CFAP61: variants seen among roughly 807,000 people sequenced by gnomAD.
CFAP61 encodes the protein cilia- and flagella-associated protein 61.
CFAP61 carries 107 observed loss-of-function variants against 135.6 expected under a neutral mutation model. The ratio of observed to expected loss-of-function variants is 0.79; its 90% confidence interval spans 0.67 to 0.93. CFAP61 has a LOEUF of 0.93. Among genes scored for constraint, CFAP61 ranks in the 40% least tolerant of loss-of-function variants. The pLI is 0.00. For synonymous variants in CFAP61, 575 were observed against 578.5 expected (o/e 0.99, Z 0.09); for missense variants, 1,507 against 1,556.2 (o/e 0.97, Z 0.53).
In CFAP61 at chr20:20,288,759, T is replaced by G. The variant is rs1569246864; in HGVS notation, c.2947T>G (p.Phe983Val). The G allele has an allele frequency of 6.2e-7, 1 of 1,614,160 alleles. No individual in the cohort carries two copies. Among genetic ancestry groups the G allele is most frequent in the Non-Finnish European group, 8.5e-7 (1 of 1,180,012 alleles). ...CAGAGCTGCTGGCTCCCTCACCAAA[T>G]TCTCCAATAGATACTACTCAAATGA... ...AIRAAGSLTK[F>V]SNRYYSNEWT... Residue 983 changes from phenylalanine to valine, a missense_variant, in exon 23 of 27, where the codon TTC becomes GTC. Transcript: ENST00000245957.
intron 10 of CFAP61, among the ~76,000 whole-genome samples, chr20:20,161,653 T>C (rs2053414375): frequency 2.6e-5 from 4 of 151,752 alleles, no homozygotes; most frequent in Admixed American, 2.6e-4. Flanking sequence ...TGATGTGGAG[T>C]GACTGGAACA....
chr20:20,323,808 T>A (rs2057640429), intron 25 of CFAP61, among the ~76,000 whole-genome samples: 1 of 152,220 alleles, frequency 6.6e-6, no homozygotes, highest in Non-Finnish European at 1.5e-5. Context: ...TTGGTGTGTG[T>A]CCTTTCATAT....
rs539745681 is a variant in CFAP61 at position 20,339,100 on chromosome 20, A to G, written c.3423-2731A>G. ...TTTTGTGGCATTGATGCCCACGTGC[A>G]CACAGCCCCTTAAAAAGCACGTTGG... On this transcript the variant is annotated intron_variant, in intron 25 of 26. Transcript: ENST00000245957. Among the ~76,000 whole-genome samples, 39 of 152,284 alleles carry G rather than the reference A, an allele frequency of 2.6e-4. No individual in the cohort carries two copies. In the South Asian group the frequency reaches 8.1e-3, roughly 32 times the overall value.
intron 25 of CFAP61, among the ~76,000 whole-genome samples, chr20:20,307,038 C>G (rs1450186023): frequency 6.6e-6 from 1 of 152,200 alleles, no homozygotes; most frequent in African/African-American, 2.4e-5. Flanking sequence ...GGTGAGCCCA[C>G]CACTGCCACC....
intron 20 of CFAP61, among the ~76,000 whole-genome samples, chr20:20,261,356 C>G (rs569748279): frequency 6.6e-6 from 1 of 152,326 alleles, no homozygotes; most frequent in African/African-American, 2.4e-5. Flanking sequence ...AAAGAACTTC[C>G]TCTGCCCCAA....
Position 20,288,647 on chromosome 20 carries a change from A to C in CFAP61, c.2835A>C (p.Glu945Asp), listed in dbSNP as rs1428151023. Reference protein sequence around the residue: ...FSFCEKNVDYETFKALNDACL... With the variant: ...FSFCEKNVDYDTFKALNDACL... ...TCTGTGAGAAGAATGTGGATTATGA[A>C]ACGTTTAAAGCCCTCAATGATGCAT... Residue 945 changes from glutamate (E) to aspartate (D), a missense_variant, in exon 23 of 27, where the codon GAA (glutamate) becomes GAC (aspartate). Glu to Asp is a conservative substitution (Grantham distance 45). Transcript: ENST00000245957. The C allele has an allele frequency of 1.2e-6, 2 of 1,613,960 alleles. No individual in the cohort carries two copies. The highest frequency in any genetic ancestry group is 2.7e-5 in the African/African-American group (2 of 75,040).
chr20:20,135,618 A>G (rs371939765), intron 8 of CFAP61, among the ~76,000 whole-genome samples: 1 of 152,244 alleles, frequency 6.6e-6, no homozygotes, highest in African/African-American at 2.4e-5. Flanking sequence ...TTGCATAAAC[A>G]AACAACAACT....
chr20:20,329,692 G>GC (rs1310405392), intron 25 of CFAP61, among the ~76,000 whole-genome samples: 1 of 152,098 alleles, frequency 6.6e-6, no homozygotes, highest in Non-Finnish European at 1.5e-5. Context: ...CCCGCCCACT[G>GC]CCCCCCACCT....
At chr20:20,239,089 C>T (rs561488272) in intron 18 of CFAP61, among the ~76,000 whole-genome samples, 1 of 152,226 alleles carries the variant, frequency 6.6e-6, no homozygotes, top group Non-Finnish European at 1.5e-5. Flanking sequence ...GCTGTTCCTG[C>T]CATTTCATCA....
At chr20:20,229,965 G>A (rs992850373) in intron 18 of CFAP61, among the ~76,000 whole-genome samples, 1 of 152,196 alleles carries the variant, frequency 6.6e-6, no homozygotes, top group Non-Finnish European at 1.5e-5. Flanking sequence ...TGAACAGCAA[G>A]TTTTATGCAA....
intron 23 of CFAP61, 65 bp from the exon 24 acceptor site, chr20:20,290,235 T>G: frequency 9.9e-7 from 1 of 1,011,016 alleles, no homozygotes; most frequent in Non-Finnish European, 1.6e-6. Context: ...GTGATGAAAA[T>G]ATGAGCTCTG....
intron 13 of CFAP61, among the ~76,000 whole-genome samples, chr20:20,178,451 A>C (rs958292822): frequency 3.3e-5 from 5 of 152,168 alleles, no homozygotes; most frequent in African/African-American, 7.2e-5. Context: ...GAACATATTC[A>C]GGTGAACTGG....
chr20:20,345,643 G>A (rs983969863), intron 26 of CFAP61, among the ~76,000 whole-genome samples: 4 of 152,024 alleles, frequency 2.6e-5, no homozygotes, highest in Non-Finnish European at 4.4e-5. Flanking sequence ...AACATGGGCC[G>A]GGTGCAGTGG....
chr20:20,321,319 A>C (rs913609603), intron 25 of CFAP61, among the ~76,000 whole-genome samples: 2 of 152,200 alleles, frequency 1.3e-5, no homozygotes, highest in African/African-American at 4.8e-5. Context: ...GCTAGCAATG[A>C]CACAACATGG....
intron 17 of CFAP61, among the ~76,000 whole-genome samples, chr20:20,208,289 T>G (rs2056948463): frequency 6.6e-6 from 1 of 152,216 alleles, no homozygotes; most frequent in South Asian, 2.1e-4. Flanking sequence ...GTGAGCAAGT[T>G]CTGGGACCTT....
At position 20,142,844 on chromosome 20, in the gene CFAP61, C is replaced by G. The variant is rs2051522304; in HGVS notation, c.860-13C>G. On this transcript the variant is annotated splice_polypyrimidine_tract_variant and intron_variant, in intron 8 of 26. Coordinates refer to ENST00000245957, the MANE Select transcript of CFAP61 (RefSeq NM_015585.4). ...ATCTATTTTCTGTCATTATTCTATC[C>G]CTTCTCTCAAAGATGCTGAGCTCAG... 1.3e-6 allele frequency: 2 copies of G among 1,495,300 alleles called. No individual in the cohort carries two copies. The highest frequency in any genetic ancestry group is 1.9e-6 in the Non-Finnish European group (2 of 1,079,066). The allele number at this position is 1,495,300 out of a possible 1,614,324, so 92.6% of individuals were successfully genotyped here.
At chr20:20,191,202 T>A in intron 14 of CFAP61, 140 bp from the exon 15 acceptor site, 1 of 533,958 alleles carries the variant, frequency 1.9e-6, no homozygotes, top group Non-Finnish European at 3.4e-6. Context: ...GCGTTTAACT[T>A]ACTACCTGGC....
intron 17 of CFAP61, among the ~76,000 whole-genome samples, chr20:20,202,825 A>G (rs1052768641): frequency 1.3e-5 from 2 of 151,738 alleles, no homozygotes; most frequent in East Asian, 1.9e-4. Flanking sequence ...CACCATGTCC[A>G]TATCATTTCT....
rs755129148 is a variant in CFAP61, at chr20:20,288,575, T to C, written c.2797-34T>C. On this transcript the variant is annotated intron_variant, in intron 22 of 26. Coordinates refer to ENST00000245957, the MANE Select transcript of CFAP61 (RefSeq NM_015585.4). ...TTTGGGAAGGTAAAATGAAGAGTGA[T>C]AACTGAATATTGCTGTAATTGTTCA... 9 of 1,535,510 alleles carry C rather than the reference T, an allele frequency of 5.9e-6. No individual in the cohort carries two copies. The African/African-American group carries it at 8.2e-5, about 14-fold the overall frequency.
Sources: allele counts gnomAD v4.1 joint callset (sites outside exome capture counted in the v4.1 genomes callset), GRCh38; gene constraint gnomAD v4.1.1; transcripts MANE v1.5; gene names NCBI Gene and HGNC (gene_info 2026-07-23, HGNC 2026-07-21).